NOVA1: variants seen among roughly 807,000 people sequenced by gnomAD.
The protein encoded by NOVA1 is RNA-binding protein Nova-1.
A neutral mutation model predicts 38.0 loss-of-function variants in NOVA1; 7 were observed. The ratio of observed to expected loss-of-function variants is 0.18; its 90% CI spans 0.10 to 0.35. The LOEUF (loss-of-function observed/expected upper bound fraction) is 0.35. NOVA1 is among the 10% of genes least tolerant of loss of function. The pLI is 1.00. For synonymous variants in NOVA1, 270 were observed against 232.5 expected (o/e 1.16, Z -1.47); for missense variants, 460 against 616.0 (o/e 0.75, Z 2.68).
chr14:26,453,429 C>T (rs929033891), intron 4 of NOVA1, among the ~76,000 whole-genome samples: 14 of 151,958 alleles, frequency 9.2e-5, no homozygotes, highest in Non-Finnish European at 1.6e-4. Context: ...TTATTCTAGA[C>T]TCACAAGTTA....
chr14:26,495,138 A>G (rs1345978705), intron 2 of NOVA1, among the ~76,000 whole-genome samples: 1 of 152,034 alleles, frequency 6.6e-6, no homozygotes, highest in African/African-American at 2.4e-5. Context: ...CATCCTGGGA[A>G]CACTGTTCCA....
intron 2 of NOVA1, among the ~76,000 whole-genome samples, chr14:26,579,164 T>TCTCCCG (rs1383540840): frequency 1.4e-5 from 2 of 143,386 alleles, no homozygotes; most frequent in African/African-American, 5.1e-5. Flanking sequence ...TTCAAGTGAC[T>TCTCCCG]CTCCCGCCTC....
intron 4 of NOVA1, chr14:26,470,415 T>C: frequency 6.6e-7 from 1 of 1,524,698 alleles, no homozygotes; most frequent in Non-Finnish European, 9.1e-7. Flanking sequence ...TGATTACAAT[T>C]CTTTCAATGA....
rs185179086 is a variant in NOVA1 at position 26,591,993 on chromosome 14, A to G, written c.280+3417T>C. On this transcript the variant is annotated intron_variant, in intron 2 of 4. Coordinates refer to ENST00000539517, the MANE Select transcript of NOVA1 (RefSeq NM_002515.3). Reference sequence around the variant, plus strand: ...CAGTGTAAAATAGACAGATTCCAACACTATAATGAAGGATTCTGTTTGACT... The same window carrying G: ...CAGTGTAAAATAGACAGATTCCAACGCTATAATGAAGGATTCTGTTTGACT... Among the ~76,000 whole-genome samples, 12 of 151,628 alleles carry G rather than the reference A, an allele frequency of 7.9e-5. No individual in the cohort carries two copies. In the East Asian group the frequency reaches 2.3e-3, roughly 29 times the overall value.
At chr14:26,461,966 C>A (rs1566441019) in intron 4 of NOVA1, among the ~76,000 whole-genome samples, 1 of 151,302 alleles carries the variant, frequency 6.6e-6, no homozygotes. Flanking sequence ...AAACATCCCA[C>A]AAAACTCCTA....
chr14:26,550,680 T>C (rs908342117), intron 2 of NOVA1, among the ~76,000 whole-genome samples: 14 of 152,186 alleles, frequency 9.2e-5, no homozygotes, highest in Admixed American at 2.6e-4. Context: ...AGCTACTATG[T>C]ATATACTACT....
intron 2 of NOVA1, among the ~76,000 whole-genome samples, chr14:26,573,946 T>G (rs935949650): frequency 1.3e-5 from 2 of 149,264 alleles, no homozygotes; most frequent in African/African-American, 4.9e-5. Flanking sequence ...TGCAAGACAA[T>G]AAAAACATAA....
Position 26,448,728 on chromosome 14 carries a change from T to C in NOVA1, c.755A>G (p.Asn252Ser), listed in dbSNP as rs1240258125. Reference sequence around the variant, plus strand: ...ACCTGTCACATTGGCATAACTGATATTGAGACAGCTGCCACTTTGTGGATC... The same window carrying C: ...ACCTGTCACATTGGCATAACTGATACTGAGACAGCTGCCACTTTGTGGATC... ...QEDPQSGSCL[N>S]ISYANVTGPV... The change falls in exon 5 of 5, where the codon AAT becomes AGT. Residue 252 changes from asparagine to serine, a missense_variant. Physicochemically the swap from Asn to Ser is conservative, Grantham distance 46. Coordinates refer to ENST00000539517, the MANE Select transcript of NOVA1 (RefSeq NM_002515.3). This position sits in a 1 kb window ranked among gnomAD's most constrained non-coding sequence, Gnocchi z 5.3. 1.9e-6 allele frequency: 3 copies of C among 1,614,208 alleles called. No homozygotes were observed. The highest frequency in any genetic ancestry group is 1.7e-5 in the Admixed American group (1 of 60,034).
intron 2 of NOVA1, among the ~76,000 whole-genome samples, chr14:26,575,444 A>G (rs1053574598): frequency 2.0e-5 from 3 of 152,216 alleles, no homozygotes; most frequent in African/African-American, 7.2e-5. Context: ...AGAAATAACT[A>G]TGTAATTAAT....
At chr14:26,513,893 T>C (rs190173967) in intron 2 of NOVA1, among the ~76,000 whole-genome samples, 1 of 151,782 alleles carries the variant, frequency 6.6e-6, no homozygotes, top group Admixed American at 6.6e-5. Flanking sequence ...ACACAATAGG[T>C]AGCATTTGCA....
At position 26,447,762 on chromosome 14, in the gene NOVA1, A is replaced by G. The variant is rs998440772; in HGVS notation, c.*197T>C. ...AAGCAAAGTATAGAGAACAAAACAG[A>G]TCAAGAAAAAATTCTTTCTATGAAA... On this transcript the variant is annotated 3_prime_UTR_variant, in exon 5 of 5. Transcript: ENST00000539517. The G allele has an allele frequency of 1.7e-6, 1 of 599,668 alleles. No homozygotes were observed. The highest frequency in any genetic ancestry group is 1.9e-5 in the African/African-American group (1 of 53,866). The allele number at this position is 599,668 out of a possible 1,614,324, so 37.1% of individuals were successfully genotyped here. A position where few individuals can be genotyped will look rare whatever the true frequency, so the allele number is the denominator to read the frequency against.
intron 2 of NOVA1, among the ~76,000 whole-genome samples, chr14:26,528,298 G>A (rs1445046712): frequency 6.6e-6 from 1 of 152,138 alleles, no homozygotes; most frequent in African/African-American, 2.4e-5. Flanking sequence ...TCATGATAAT[G>A]ATGATGAATA....
intron 2 of NOVA1, among the ~76,000 whole-genome samples, chr14:26,560,209 T>C (rs938243531): frequency 3.9e-5 from 6 of 152,150 alleles, no homozygotes; most frequent in Non-Finnish European, 8.8e-5. Context: ...TCATATTTAA[T>C]AATACATGTC....
chr14:26,585,256 C>A (rs1430100269), intron 2 of NOVA1, among the ~76,000 whole-genome samples: 2 of 151,208 alleles, frequency 1.3e-5, no homozygotes, highest in African/African-American at 4.8e-5. Context: ...AATATCTTCC[C>A]TAAAATTTTA....
intron 2 of NOVA1, among the ~76,000 whole-genome samples, chr14:26,585,829 T>C (rs1248865220): frequency 2.6e-5 from 4 of 151,184 alleles, no homozygotes; most frequent in African/African-American, 9.7e-5. Flanking sequence ...CCACTGTACC[T>C]AGCCAATACC....
At position 26,563,768 on chromosome 14, in the gene NOVA1, C is replaced by T. The variant is rs552925621; in HGVS notation, c.280+31642G>A. Among the ~76,000 whole-genome samples the T allele has an allele frequency of 8.3e-4, 126 of 152,130 alleles. 3 individuals carry two copies. The South Asian group carries it at 0.012, about 15-fold the overall frequency. Reference sequence around the variant, plus strand: ...AAAAAGTAAAAGCAAGCATTGGATTCAGGAAATAGAGGATCTAGCACTGGA... The same window carrying T: ...AAAAAGTAAAAGCAAGCATTGGATTTAGGAAATAGAGGATCTAGCACTGGA... On this transcript the variant is annotated intron_variant, in intron 2 of 4. Coordinates refer to ENST00000539517, the MANE Select transcript of NOVA1 (RefSeq NM_002515.3).
At chr14:26,489,188 G>C (rs1886143806) in intron 2 of NOVA1, among the ~76,000 whole-genome samples, 1 of 151,946 alleles carries the variant, frequency 6.6e-6, no homozygotes, top group African/African-American at 2.4e-5. Context: ...TAATGCATTA[G>C]ACAAAATTAA....
chr14:26,591,111 C>T (rs985786472), intron 2 of NOVA1, among the ~76,000 whole-genome samples: 2 of 151,486 alleles, frequency 1.3e-5, no homozygotes, highest in Non-Finnish European at 3.0e-5. Context: ...AATGTTCCTT[C>T]ATATGTTAAG....
intron 4 of NOVA1, chr14:26,470,516 G>A: frequency 6.9e-7 from 1 of 1,451,596 alleles, no homozygotes; most frequent in Non-Finnish European, 9.7e-7. Flanking sequence ...GAAGAAAACA[G>A]AGTATAAGTA....
Sources: gnomAD v4.1 joint callset for allele counts (sites outside exome capture counted in the v4.1 genomes callset) on GRCh38, gnomAD v4.1.1 for gene constraint, Gnocchi (gnomAD v3.1) non-coding constraint, MANE v1.5 for transcripts, NCBI Gene and HGNC (gene_info 2026-07-23, HGNC 2026-07-21) for gene names.